The following PTPRT variants were observed in gnomAD, a reference collection of about 807,000 sequenced individuals.
PTPRT encodes the protein protein tyrosine phosphatase receptor type T.
In PTPRT, 56 loss-of-function variants were observed where a neutral mutation model predicts 176.8. The ratio of observed to expected loss-of-function variants is 0.32; its 90% CI spans 0.26 to 0.40. The LOEUF (loss-of-function observed/expected upper bound fraction) is 0.40. Among genes scored for constraint, PTPRT ranks in the 10% least tolerant of loss-of-function variants. PTPRT has a pLI of 1.00. For synonymous variants in PTPRT, 783 were observed against 739.0 expected (o/e 1.06, Z -0.96); for missense variants, 1,540 against 1,908.2 (o/e 0.81, Z 3.60).
intron 12 of PTPRT, among the ~76,000 whole-genome samples, chr20:42,301,443 C>G (rs1362137529): frequency 2.0e-5 from 3 of 152,108 alleles, no homozygotes; most frequent in Non-Finnish European, 4.4e-5. Flanking sequence ...CTAAAGGCAA[C>G]ATGTGACCCT....
At chr20:42,323,841 T>A (rs565043811) in intron 11 of PTPRT, among the ~76,000 whole-genome samples, 1 of 152,278 alleles carries the variant, frequency 6.6e-6, no homozygotes, top group East Asian at 1.9e-4. Context: ...ACACCCATTA[T>A]AACGGCCATC....
At chr20:42,121,229 A>G (rs529432597) in intron 19 of PTPRT, among the ~76,000 whole-genome samples, 6 of 152,248 alleles carry the variant, frequency 3.9e-5, no homozygotes, top group Admixed American at 3.3e-4. Context: ...GCACCTTCCA[A>G]TTGCTGGGCC....
Position 42,078,200 on chromosome 20 carries a change from CCTTTG to C in PTPRT, c.*2674_*2678del, listed in dbSNP as rs1982967690. On this transcript the variant is annotated 3_prime_UTR_variant, in exon 31 of 31. Transcript: ENST00000373187. ...GTTCATCGTGGGGTTCCTTTGCTTG[CCTTTG>C]CTTTGAGGCACTTCCTTTTGAACCT... 5.1e-6 allele frequency: 1 copy of C among 195,140 alleles called. No individual in the cohort carries two copies. Among genetic ancestry groups the C allele is most frequent in the Non-Finnish European group, 1.1e-5 (1 of 93,676 alleles). The allele number at this position is 195,140 out of a possible 1,614,324, so 12.1% of individuals were successfully genotyped here.
intron 4 of PTPRT, among the ~76,000 whole-genome samples, chr20:42,774,111 C>A (rs1046020792): frequency 6.6e-6 from 1 of 152,142 alleles, no homozygotes; most frequent in Admixed American, 6.5e-5. Context: ...TGGGGAAATA[C>A]TGGCAATTTA....
At chr20:42,576,328 C>T (rs371335580) in intron 7 of PTPRT, among the ~76,000 whole-genome samples, 10 of 152,308 alleles carry the variant, frequency 6.6e-5, no homozygotes, top group East Asian at 1.9e-4. Context: ...TGTTTACTTG[C>T]CTGTTAAATC....
At chr20:42,877,977 G>A (rs969849416) in intron 2 of PTPRT, among the ~76,000 whole-genome samples, 1 of 152,216 alleles carries the variant, frequency 6.6e-6, no homozygotes, top group Non-Finnish European at 1.5e-5. Context: ...CAAGTCATGG[G>A]CAAATGTCCA....
At chr20:43,076,601 C>G (rs868764138) in intron 1 of PTPRT, among the ~76,000 whole-genome samples, 6 of 152,118 alleles carry the variant, frequency 3.9e-5, no homozygotes, top group South Asian at 4.1e-4. Context: ...AACATGTTCT[C>G]AACTCCGGAA....
intron 7 of PTPRT, among the ~76,000 whole-genome samples, chr20:42,516,102 T>G (rs1189487466): frequency 3.2e-5 from 3 of 94,794 alleles, no homozygotes; most frequent in South Asian, 4.2e-4. Context: ...TGGGGACTGT[T>G]GTGGGGTGGG....
In PTPRT at chr20:42,350,848, G is replaced by C. The variant is rs902618609; in HGVS notation, c.1763-118C>G. On this transcript the variant is annotated intron_variant, in intron 10 of 30. Transcript: ENST00000373187. ...GGATAGAGGGAGGACGTTTAGGAAA[G>C]GGGTTGGATAAGAAGCCTTCCAGGC... is the stretch of plus-strand genomic sequence containing the variant. 6.6e-6 allele frequency: 5 copies of C among 762,332 alleles called. No individual in the cohort carries two copies. In the African/African-American group the frequency reaches 6.8e-5, roughly 10 times the overall value. The allele number at this position is 762,332 out of a possible 1,614,324, so 47.2% of individuals were successfully genotyped here.
chr20:42,869,110 G>A (rs2145817972), intron 2 of PTPRT, among the ~76,000 whole-genome samples: 1 of 152,332 alleles, frequency 6.6e-6, no homozygotes, highest in East Asian at 1.9e-4. Flanking sequence ...TGCCCAGGCA[G>A]AGAACTGCCA....
intron 7 of PTPRT, among the ~76,000 whole-genome samples, chr20:42,532,307 A>C (rs1295604271): frequency 6.6e-6 from 1 of 152,210 alleles, no homozygotes; most frequent in African/African-American, 2.4e-5. Context: ...ACAAGTGCTT[A>C]GCACAAAGTG....
At chr20:42,708,270 T>A (rs1376247637) in intron 6 of PTPRT, among the ~76,000 whole-genome samples, 1 of 152,138 alleles carries the variant, frequency 6.6e-6, no homozygotes, top group Non-Finnish European at 1.5e-5. Context: ...TTTAAGAATA[T>A]AAAATATTAT....
chr20:42,551,941 A>C (rs928356517), intron 7 of PTPRT, among the ~76,000 whole-genome samples: 7 of 152,164 alleles, frequency 4.6e-5, no homozygotes, highest in African/African-American at 1.2e-4. Flanking sequence ...ACTGATCTCA[A>C]ACTTTCATTA....
chr20:42,419,233 G>A (rs1257463761), intron 9 of PTPRT, among the ~76,000 whole-genome samples: 1 of 152,108 alleles, frequency 6.6e-6, no homozygotes, highest in African/African-American at 2.4e-5. Flanking sequence ...CCCAATATGT[G>A]GCCAAGACAG....
chr20:42,234,717 T>C (rs1446102807), intron 15 of PTPRT, among the ~76,000 whole-genome samples: 2 of 152,194 alleles, frequency 1.3e-5, no homozygotes, highest in African/African-American at 4.8e-5. Context: ...ATCCACACCA[T>C]ATGAAACATA....
At chr20:42,198,723 G>C (rs1400401985) in intron 16 of PTPRT, among the ~76,000 whole-genome samples, 1 of 152,194 alleles carries the variant, frequency 6.6e-6, no homozygotes, top group East Asian at 1.9e-4. Flanking sequence ...GCAAATGTTT[G>C]AGGGATGAGG....
At chr20:42,634,798 G>A (rs890534838) in intron 7 of PTPRT, among the ~76,000 whole-genome samples, 7 of 152,098 alleles carry the variant, frequency 4.6e-5, no homozygotes, top group Admixed American at 3.3e-4. Flanking sequence ...CACATGCAAC[G>A]CAGTCTGCTT....
At chr20:42,184,306 T>C (rs6102717) in intron 16 of PTPRT, among the ~76,000 whole-genome samples, 4,119 of 152,302 alleles carry the variant, frequency 0.027, 185 homozygotes, top group African/African-American at 0.092. Context: ...TCTTCTTTTC[T>C]GCATTGACTA....
chr20:43,021,447 C>T (rs573910191), intron 1 of PTPRT, among the ~76,000 whole-genome samples: 2 of 152,114 alleles, frequency 1.3e-5, no homozygotes, highest in Non-Finnish European at 2.9e-5. Context: ...GGAGCCCACC[C>T]ACCTTGGAAA....
Sources: allele counts gnomAD v4.1 joint callset (sites outside exome capture counted in the v4.1 genomes callset), GRCh38; gene constraint gnomAD v4.1.1; transcripts MANE v1.5; gene names NCBI Gene and HGNC (gene_info 2026-07-23, HGNC 2026-07-21).